The following CCDC192 variants were observed in gnomAD, a reference collection of about 807,000 sequenced individuals.
CCDC192 encodes the protein coiled-coil domain-containing protein 192.
At chr5:127,773,389 A>G (rs1755673219) in intron 3 of CCDC192, among the ~76,000 whole-genome samples, 1 of 152,070 alleles carries the variant, frequency 6.6e-6, no homozygotes, top group Admixed American at 6.5e-5. Context: ...GTGCTTTTTC[A>G]TCACCCCAGA....
At chr5:127,912,786 G>A (rs890607682) in intron 6 of CCDC192, among the ~76,000 whole-genome samples, 3 of 152,112 alleles carry the variant, frequency 2.0e-5, no homozygotes, top group Admixed American at 1.3e-4. Context: ...GTTCCACAAC[G>A]CTTCCAATGA....
At chr5:127,759,323 A>C (rs1420815407) in intron 3 of CCDC192, among the ~76,000 whole-genome samples, 1 of 152,202 alleles carries the variant, frequency 6.6e-6, no homozygotes, top group Non-Finnish European at 1.5e-5. Context: ...CCACAATATG[A>C]TAGTATGTGG....
intron 5 of CCDC192, among the ~76,000 whole-genome samples, chr5:127,843,705 T>C (rs1311275173): frequency 6.6e-6 from 1 of 152,188 alleles, no homozygotes; most frequent in East Asian, 1.9e-4. Context: ...CCCAAAGTGC[T>C]AGAATTATAG....
intron 3 of CCDC192, among the ~76,000 whole-genome samples, chr5:127,792,596 C>T (rs1345348340): frequency 6.6e-6 from 1 of 151,038 alleles, no homozygotes; most frequent in Non-Finnish European, 1.5e-5. Context: ...GTCTCAGCTA[C>T]CCAGGAAGGT....
At chr5:127,931,698 C>T (rs1754033479) in intron 6 of CCDC192, among the ~76,000 whole-genome samples, 1 of 152,036 alleles carries the variant, frequency 6.6e-6, no homozygotes. Flanking sequence ...TCTAGAGTCA[C>T]TCAAGCAGAA....
At chr5:127,858,965 G>T (rs914575188) in intron 5 of CCDC192, among the ~76,000 whole-genome samples, 8 of 152,132 alleles carry the variant, frequency 5.3e-5, no homozygotes, top group Non-Finnish European at 1.2e-4. Flanking sequence ...CATAAAAATT[G>T]TGTTGAGTAT....
intron 2 of CCDC192, among the ~76,000 whole-genome samples, chr5:127,725,202 T>C (rs1457537713): frequency 6.6e-6 from 1 of 152,202 alleles, no homozygotes; most frequent in African/African-American, 2.4e-5. Context: ...CTGTCCTGTA[T>C]GAAGTACTCT....
intron 2 of CCDC192, among the ~76,000 whole-genome samples, chr5:127,719,544 T>TACACACACATAC (rs1561445014): frequency 2.9e-5 from 1 of 34,048 alleles, no homozygotes; most frequent in Non-Finnish European, 6.4e-5. Flanking sequence ...CATATATATA[T>TACACACACATAC]ATATATATAT....
intron 3 of CCDC192, among the ~76,000 whole-genome samples, chr5:127,776,078 A>C (rs1268667408): frequency 6.6e-6 from 1 of 152,238 alleles, no homozygotes; most frequent in African/African-American, 2.4e-5. Context: ...CCAAAAGTTT[A>C]AAAGCTACTT....
At chr5:127,801,894 A>G (rs901064759) in intron 5 of CCDC192, among the ~76,000 whole-genome samples, 2 of 152,162 alleles carry the variant, frequency 1.3e-5, no homozygotes, top group African/African-American at 4.8e-5. Context: ...AAGCAAAGTA[A>G]AGACATTATC....
At chr5:127,736,818 C>CT (rs1389043172) in intron 2 of CCDC192, among the ~76,000 whole-genome samples, 1 of 149,548 alleles carries the variant, frequency 6.7e-6, no homozygotes, top group African/African-American at 2.5e-5. Flanking sequence ...ATTCTTCTCT[C>CT]TTTTTTTCTT....
Position 127,798,179 on chromosome 5 carries a change from T to G in CCDC192, c.411+17T>G. 2.5e-6 allele frequency: 1 copy of G among 398,128 alleles called. No individual in the cohort carries two copies. Among genetic ancestry groups the G allele is most frequent in the African/African-American group, 2.1e-5 (1 of 48,688 alleles). The allele number at this position is 398,128 out of a possible 1,614,324, so 24.7% of individuals were successfully genotyped here. A position where few individuals can be genotyped will look rare whatever the true frequency, so the allele number is the denominator to read the frequency against. ...ATAGCCCAGGTAAGTGTTTTCCTCC[T>G]TTTTTCATCCCTTTATTTATGTCAT... On this transcript the variant is annotated intron_variant, in intron 5 of 6. Transcript: ENST00000514853.
chr5:127,719,121 G>A (rs1245243957), intron 2 of CCDC192, among the ~76,000 whole-genome samples: 2 of 151,808 alleles, frequency 1.3e-5, no homozygotes, highest in African/African-American at 4.8e-5. Context: ...TTAATTTTTA[G>A]CTCCCAAAAA....
intron 6 of CCDC192, among the ~76,000 whole-genome samples, chr5:127,932,745 A>G (rs1754074567): frequency 1.3e-5 from 2 of 152,212 alleles, no homozygotes; most frequent in African/African-American, 2.4e-5. Flanking sequence ...TACAGTACTG[A>G]ACAAAACAAT....
At chr5:127,747,281 A>G (rs1239282757) in intron 2 of CCDC192, among the ~76,000 whole-genome samples, 2 of 145,392 alleles carry the variant, frequency 1.4e-5, no homozygotes, top group East Asian at 2.1e-4. Flanking sequence ...AACAGTCCCC[A>G]GAGTGTGATG....
chr5:127,901,051 G>T (rs907836750), intron 6 of CCDC192, among the ~76,000 whole-genome samples: 1 of 152,084 alleles, frequency 6.6e-6, no homozygotes, highest in Non-Finnish European at 1.5e-5. Context: ...TGTATAAGTT[G>T]TTTTTTAAGC....
At chr5:127,802,839 G>A (rs973090423) in intron 5 of CCDC192, among the ~76,000 whole-genome samples, 2 of 152,190 alleles carry the variant, frequency 1.3e-5, no homozygotes, top group African/African-American at 4.8e-5. Flanking sequence ...TTTGGCATTT[G>A]TAGGAGCACC....
chr5:127,845,228 T>C (rs974525200), intron 5 of CCDC192, among the ~76,000 whole-genome samples: 1 of 152,182 alleles, frequency 6.6e-6, no homozygotes, highest in Admixed American at 6.5e-5. Context: ...AGACTGGAGC[T>C]GTCTGGAGGA....
intron 5 of CCDC192, among the ~76,000 whole-genome samples, chr5:127,835,396 CA>C (rs1749990177): frequency 6.6e-6 from 1 of 152,200 alleles, no homozygotes; most frequent in African/African-American, 2.4e-5. Flanking sequence ...AATCAACTTT[CA>C]CAGTCTTCTC....
Sources: allele counts gnomAD v4.1 joint callset (sites outside exome capture counted in the v4.1 genomes callset), GRCh38; gene constraint gnomAD v4.1.1; transcripts MANE v1.5; gene names NCBI Gene and HGNC (gene_info 2026-07-23, HGNC 2026-07-21).